The following CHRM5 variants were observed in gnomAD, a reference collection of about 807,000 sequenced individuals.
CHRM5 encodes muscarinic acetylcholine receptor M5.
A neutral mutation model predicts 39.0 loss-of-function variants in CHRM5; 18 were observed. The observed-to-expected ratio is 0.46, with a 90% CI of 0.32 to 0.68. The LOEUF is 0.68. Among genes scored for constraint, CHRM5 ranks in the 30% least tolerant of loss-of-function variants. The pLI is 0.04. For synonymous variants in CHRM5, 241 were observed against 246.3 expected, an observed-to-expected ratio of 0.98 and a Z score of 0.20; for missense variants, 515 against 651.1, an observed-to-expected ratio of 0.79 and a Z score of 2.28.
chr15:34,058,395 A>G (rs1230703090), intron 2 of CHRM5, among the ~76,000 whole-genome samples: 2 of 152,150 alleles, frequency 1.3e-5, no homozygotes, highest in Non-Finnish European at 2.9e-5. Context: ...CAGAATAAAA[A>G]TCAAAATGGA....
chr15:34,016,234 C>T (rs1567468770), intron 1 of CHRM5, among the ~76,000 whole-genome samples: 1 of 152,164 alleles, frequency 6.6e-6, no homozygotes, highest in Non-Finnish European at 1.5e-5. Context: ...AACTCCATCT[C>T]AAAAAACAAA....
At position 34,062,715 on chromosome 15, in the gene CHRM5, A is replaced by G; in HGVS notation, c.-3A>G. On this transcript the variant is annotated 5_prime_UTR_variant, in exon 3 of 3. Transcript: ENST00000383263. ...CTATTTACTGTAAAATTTTTGCACC[A>G]GGATGGAAGGGGATTCTTACCACAA... is the stretch of plus-strand genomic sequence containing the variant. 1 of 1,601,344 alleles carries G rather than the reference A, an allele frequency of 6.2e-7. No homozygotes were observed. Among genetic ancestry groups the G allele is most frequent in the Non-Finnish European group, 8.5e-7 (1 of 1,172,574 alleles).
Position 33,998,798 on chromosome 15 carries a change from G to A in CHRM5, c.-408+29648G>A, listed in dbSNP as rs193002411. On this transcript the variant is annotated intron_variant, in intron 1 of 2. Transcript: ENST00000383263. ...TTCTTTCTTCTACCACTCATGCTCA[G>A]TCTCCTTTGCTGGTCTCTTCTCTTT... Among the ~76,000 whole-genome samples, 146 of 152,282 alleles carry A rather than the reference G, an allele frequency of 9.6e-4. 1 individual carries two copies. Among genetic ancestry groups the A allele is most frequent in the African/African-American group, 3.4e-3 (142 of 41,554 alleles).
intron 1 of CHRM5, among the ~76,000 whole-genome samples, chr15:34,017,488 T>TTTTG (rs1267213550): frequency 2.6e-5 from 2 of 77,458 alleles, no homozygotes; most frequent in African/African-American, 5.8e-5. Context: ...TTTTTTGTTT[T>TTTTG]TTTTTTTTTT....
chr15:34,010,586 AC>A (rs11362224), intron 1 of CHRM5, among the ~76,000 whole-genome samples: 138,437 of 152,146 alleles, frequency 0.91, 64,197 homozygotes, highest in Non-Finnish European at 1. Flanking sequence ...AAACATTCAC[AC>A]CATTTTTCAC....
chr15:34,017,676 C>T (rs1264054945), intron 1 of CHRM5, among the ~76,000 whole-genome samples: 1 of 152,006 alleles, frequency 6.6e-6, no homozygotes, highest in Admixed American at 6.6e-5. Context: ...GACAGGGTTT[C>T]ACCATGTTGG....
chr15:34,039,223 G>A (rs1375345250), intron 1 of CHRM5: 13 of 426,074 alleles, frequency 3.1e-5, no homozygotes, highest in Non-Finnish European at 4.1e-5. Flanking sequence ...GCGGGGCGGG[G>A]CGGCCGGCGT....
chr15:34,038,315 CACAG>C (rs1899251172), intron 1 of CHRM5, among the ~76,000 whole-genome samples: 2 of 152,236 alleles, frequency 1.3e-5, no homozygotes, highest in African/African-American at 2.4e-5. Context: ...CTAGGCATTG[CACAG>C]ACAGTTAACA....
At chr15:34,005,893 G>C (rs561075823) in intron 1 of CHRM5, among the ~76,000 whole-genome samples, 18 of 152,266 alleles carry the variant, frequency 1.2e-4, no homozygotes, top group Middle Eastern at 3.4e-3. Flanking sequence ...ATGATCTAGG[G>C]ACTGCAAAGA....
At chr15:33,989,890 C>T (rs1005738908) in intron 1 of CHRM5, among the ~76,000 whole-genome samples, 7 of 150,216 alleles carry the variant, frequency 4.7e-5, no homozygotes, top group South Asian at 2.1e-4. Context: ...GAGACGGATA[C>T]ACTAGATGCT....
intron 1 of CHRM5, among the ~76,000 whole-genome samples, chr15:33,980,922 T>A (rs1356889544): frequency 6.6e-6 from 1 of 152,106 alleles, no homozygotes; most frequent in African/African-American, 2.4e-5. Context: ...CACTAGAGCC[T>A]CCAATCAGAA....
intron 1 of CHRM5, among the ~76,000 whole-genome samples, chr15:33,977,703 A>G (rs887638094): frequency 6.6e-6 from 1 of 152,172 alleles, no homozygotes; most frequent in African/African-American, 2.4e-5. Flanking sequence ...GTTCTCTATT[A>G]CACTCTAAGT....
At chr15:34,012,286 A>T (rs1229747891) in intron 1 of CHRM5, among the ~76,000 whole-genome samples, 1 of 152,210 alleles carries the variant, frequency 6.6e-6, no homozygotes, top group Non-Finnish European at 1.5e-5. Context: ...ACAGACACAC[A>T]CAATAAGTAG....
chr15:34,004,299 G>A (rs1020924087), intron 1 of CHRM5, among the ~76,000 whole-genome samples: 6 of 152,098 alleles, frequency 3.9e-5, no homozygotes, highest in Non-Finnish European at 7.3e-5. Flanking sequence ...AAGGTTAAGA[G>A]AGCATGCAGA....
At chr15:33,994,526 A>G (rs1246668121) in intron 1 of CHRM5, among the ~76,000 whole-genome samples, 2 of 152,216 alleles carry the variant, frequency 1.3e-5, no homozygotes, top group African/African-American at 4.8e-5. Context: ...GGTCTGTGGA[A>G]AAATTGTCTT....
At chr15:34,044,372 T>C (rs1283648486) in intron 1 of CHRM5, among the ~76,000 whole-genome samples, 1 of 152,238 alleles carries the variant, frequency 6.6e-6, no homozygotes, top group African/African-American at 2.4e-5. Flanking sequence ...TTTGATACAG[T>C]TGATTACTCC....
At chr15:34,007,849 C>T (rs2702286) in intron 1 of CHRM5, among the ~76,000 whole-genome samples, 1 of 152,168 alleles carries the variant, frequency 6.6e-6, no homozygotes, top group East Asian at 1.9e-4. Flanking sequence ...TCTCCAGCTT[C>T]TAGTGGTTGC....
At chr15:34,037,247 T>A (rs1899185833) in intron 1 of CHRM5, among the ~76,000 whole-genome samples, 1 of 152,082 alleles carries the variant, frequency 6.6e-6, no homozygotes, top group Admixed American at 6.6e-5. Context: ...ACACCATAGT[T>A]AACACCAAAT....
chr15:33,980,168 T>C (rs1896071782), intron 1 of CHRM5, among the ~76,000 whole-genome samples: 1 of 152,184 alleles, frequency 6.6e-6, no homozygotes, highest in South Asian at 2.1e-4. Flanking sequence ...CCTAAACATG[T>C]AGAGCTGAAG....
Sources: gnomAD v4.1 joint callset for allele counts (sites outside exome capture counted in the v4.1 genomes callset) on GRCh38, gnomAD v4.1.1 for gene constraint, MANE v1.5 for transcripts, NCBI Gene and HGNC (gene_info 2026-07-23, HGNC 2026-07-21) for gene names.